The following ERG variants were observed in gnomAD, a reference collection of about 807,000 sequenced individuals.
The protein encoded by ERG is ETS transcription factor ERG.
In ERG, 9 loss-of-function variants were observed where a neutral mutation model predicts 55.3. The observed-to-expected ratio is 0.16, with a 90% CI of 0.10 to 0.28. The LOEUF (loss-of-function observed/expected upper bound fraction) is 0.28. Ranked by LOEUF, ERG falls within the 10% of genes least tolerant of loss-of-function variation. The probability of loss-of-function intolerance (pLI) is 1.00; values close to 1 mark genes in which losing one functional copy is unlikely to be tolerated. For synonymous variants in ERG, 223 were observed against 237.3 expected, an observed-to-expected ratio of 0.94 and a Z score of 0.55; for missense variants, 434 against 631.6, an observed-to-expected ratio of 0.69 and a Z score of 3.35.
chr21:38,463,835 G>A (rs1164099067), intron 1 of ERG, among the ~76,000 whole-genome samples: 2 of 152,298 alleles, frequency 1.3e-5, no homozygotes, highest in African/African-American at 2.4e-5. Flanking sequence ...GGGATGCCCC[G>A]TCCAGAGTTT....
intron 1 of ERG, among the ~76,000 whole-genome samples, chr21:38,479,190 T>C (rs963026882): frequency 6.6e-5 from 10 of 152,210 alleles, no homozygotes; most frequent in African/African-American, 2.4e-4. Context: ...CTAATTGCAT[T>C]GGCACTTTCA....
chr21:38,452,244 C>T (rs9808668), intron 1 of ERG, among the ~76,000 whole-genome samples: 2,140 of 152,298 alleles, frequency 0.014, 28 homozygotes, highest in Non-Finnish European at 0.019. Context: ...TACATTTGCA[C>T]ATACAGATAT....
In ERG at chr21:38,551,463, C is replaced by T. The variant is rs145822414; in HGVS notation, c.-41+24199G>A. ...TTAGGCTGTTAATTTAAGATCTTTC[C>T]AACTTTTTGATATCAGTGTTTAGTG... On this transcript the variant is annotated intron_variant, in intron 2 of 8. Coordinates refer to the ERG transcript ENST00000398897. 1.1e-4 allele frequency among the ~76,000 whole-genome samples: 17 copies of T among 152,044 alleles called. 1 individual carries two copies. Among genetic ancestry groups the T allele is most frequent in the African/African-American group, 4.1e-4 (17 of 41,506 alleles).
rs1224294874 is a variant in ERG at position 38,383,364 on chromosome 21, G to A, written c.*39C>T. On this transcript the variant is annotated 3_prime_UTR_variant, in exon 10 of 10. Coordinates refer to ENST00000288319, the MANE Select transcript of ERG (RefSeq NM_182918.4). The surrounding 1 kb of genome is among the most constrained non-coding windows in gnomAD (Gnocchi z 5.7). ...CCGATAGAGTTTGTGGCGATGGGCT[G>A]GTGAATGCACGCTGATGGGAAAAGC... 1.4e-6 allele frequency: 2 copies of A among 1,460,340 alleles called. No individual in the cohort carries two copies. The highest frequency in any genetic ancestry group is 1.4e-5 in the African/African-American group (1 of 71,200). The allele number at this position is 1,460,340 out of a possible 1,614,324, so 90.5% of individuals were successfully genotyped here. A position where few individuals can be genotyped will look rare whatever the true frequency, so the allele number is the denominator to read the frequency against.
intron 6 of ERG, among the ~76,000 whole-genome samples, chr21:38,398,281 T>G (rs1366351397): frequency 6.6e-6 from 1 of 151,732 alleles, no homozygotes; most frequent in Non-Finnish European, 1.5e-5. Flanking sequence ...GTTGATCGCT[T>G]AGCAATGGAT....
chr21:38,632,148 G>A (rs550615394), intron 1 of ERG, among the ~76,000 whole-genome samples: 48 of 151,900 alleles, frequency 3.2e-4, no homozygotes, highest in African/African-American at 1.1e-3. Context: ...CCATCACTTC[G>A]CCTGAATATA....
upstream of ERG, among the ~76,000 whole-genome samples, chr21:38,499,488 C>G (rs1168707626): frequency 6.6e-6 from 1 of 152,062 alleles, no homozygotes; most frequent in African/African-American, 2.4e-5. Flanking sequence ...GAACGCAGGA[C>G]CCATAAAGAG....
chr21:38,501,085 T>G (rs916434281), upstream of ERG, among the ~76,000 whole-genome samples: 180 of 136,652 alleles, frequency 1.3e-3, no homozygotes, highest in Non-Finnish European at 2.2e-3. Flanking sequence ...TTTTTTTTTT[T>G]GGGACGGAAT....
intron 9 of ERG, among the ~76,000 whole-genome samples, chr21:38,384,834 G>GAAAA (rs768892765): frequency 7.9e-6 from 1 of 126,456 alleles, no homozygotes; most frequent in Non-Finnish European, 1.7e-5. Context: ...GGAAGTTTAG[G>GAAAA]AAAAAAAAAA....
chr21:38,477,051 C>T (rs140107452), intron 1 of ERG, among the ~76,000 whole-genome samples: 4 of 111,788 alleles, frequency 3.6e-5, no homozygotes, highest in East Asian at 3.0e-4. Context: ...CTCACTCTGT[C>T]GCCCAGGCTG....
intron 2 of ERG, among the ~76,000 whole-genome samples, chr21:38,527,041 T>A (rs1382077733): frequency 6.6e-6 from 1 of 152,150 alleles, no homozygotes; most frequent in African/African-American, 2.4e-5. Context: ...TACGTCTGCA[T>A]CCTCAGATCT....
At chr21:38,433,369 A>G (rs1990307784) in intron 2 of ERG, among the ~76,000 whole-genome samples, 2 of 152,262 alleles carry the variant, frequency 1.3e-5, no homozygotes. Flanking sequence ...ATTAAATAAA[A>G]TAAGTCCAAG....
At chr21:38,446,719 A>AGCAGGGGAG (rs2058895949) in intron 1 of ERG, among the ~76,000 whole-genome samples, 1 of 152,176 alleles carries the variant, frequency 6.6e-6, no homozygotes, top group Admixed American at 6.5e-5. Flanking sequence ...TTGGAGGCAG[A>AGCAGGGGAG]GCAGGGGAGG....
At chr21:38,530,307 G>A (rs1162275996) in intron 2 of ERG, among the ~76,000 whole-genome samples, 3 of 152,098 alleles carry the variant, frequency 2.0e-5, no homozygotes, top group Admixed American at 6.5e-5. Flanking sequence ...TGATCCACCC[G>A]CCTCGGCCTC....
intron 2 of ERG, among the ~76,000 whole-genome samples, chr21:38,539,212 C>T (rs2146790922): frequency 6.6e-6 from 1 of 152,292 alleles, no homozygotes; most frequent in Non-Finnish European, 1.5e-5. Context: ...ATCACAACTC[C>T]TAGAACTGCA....
intron 1 of ERG, chr21:38,471,028 T>C (rs997707808): frequency 6.6e-6 from 1 of 152,202 alleles, no homozygotes; most frequent in Non-Finnish European, 1.5e-5. Flanking sequence ...TGGCCTATTA[T>C]TCATTACGGT....
chr21:38,574,830 C>T (rs968180894), intron 2 of ERG, among the ~76,000 whole-genome samples: 2 of 152,172 alleles, frequency 1.3e-5, no homozygotes, highest in African/African-American at 4.8e-5. Flanking sequence ...GCCATGCAGT[C>T]AATTACTTTG....
In ERG at chr21:38,445,498, T is replaced by G; in HGVS notation, c.142A>C (p.Ser48Arg). The change falls in exon 2 of 10, where the codon AGC becomes CGC. Residue 48 changes from serine to arginine, a missense_variant. This residue lies in a region of ERG where 212 missense variants were observed against 262.9 expected (regional missense o/e 0.81). Transcript: ENST00000288319. ...CAATCCTGCTGAGGGACGCGTGGGC[T>G]CATCTTGGAAGTCTGTCCATAGTCG... ...SSDYGQTSKM[S>R]PRVPQQDWLS... 6.2e-7 allele frequency: 1 copy of G among 1,614,158 alleles called. No homozygotes were observed. The highest frequency in any genetic ancestry group is 8.5e-7 in the Non-Finnish European group (1 of 1,180,030).
chr21:38,629,865 C>T (rs950874998), intron 1 of ERG, among the ~76,000 whole-genome samples: 1 of 152,158 alleles, frequency 6.6e-6, no homozygotes, highest in African/African-American at 2.4e-5. Flanking sequence ...TCATGATCAA[C>T]AGATGAACAG....
Sources: gnomAD v4.1 joint callset for allele counts (sites outside exome capture counted in the v4.1 genomes callset) on GRCh38, gnomAD v4.1.1 for gene constraint, gnomAD v4.1.1 regional missense constraint, Gnocchi (gnomAD v3.1) non-coding constraint, MANE v1.5 for transcripts, NCBI Gene and HGNC (gene_info 2026-07-23, HGNC 2026-07-21) for gene names.